SARNP: variants seen among roughly 807,000 people sequenced by gnomAD.
The protein encoded by SARNP is SAP domain-containing ribonucleoprotein.
SARNP carries 5 observed loss-of-function variants against 38.1 expected under a neutral mutation model. That is an observed-to-expected ratio of 0.13 (90% CI 0.07 to 0.28). SARNP has a LOEUF of 0.28. Ranked by LOEUF, SARNP falls within the 10% of genes least tolerant of loss-of-function variation. The pLI, the probability that SARNP is intolerant of heterozygous loss-of-function variation, is 1.00. For synonymous variants in SARNP, 84 were observed against 80.6 expected (o/e 1.04, Z -0.23); for missense variants, 180 against 243.9 (o/e 0.74, Z 1.75).
chr12:55,812,257 A>T (rs2136208640), intron 1 of SARNP, among the ~76,000 whole-genome samples: 1 of 152,266 alleles, frequency 6.6e-6, no homozygotes, highest in Non-Finnish European at 1.5e-5. Context: ...TGACTTCCCC[A>T]GTCACTCTAT....
chr12:55,754,527 T>C (rs898287557), downstream of SARNP: 2 of 152,228 alleles, frequency 1.3e-5, no homozygotes, highest in African/African-American at 4.8e-5. Flanking sequence ...TGAATGGGAC[T>C]CTTTCTGCCT....
chr12:55,800,972 T>G (rs1879963188), intron 2 of SARNP, 72 bp from the exon 3 acceptor site: 3 of 1,281,270 alleles, frequency 2.3e-6, no homozygotes, highest in African/African-American at 1.5e-5. Flanking sequence ...AGGTTAAAAT[T>G]ATAATCACTT....
chr12:55,817,382 T>G (rs1880525133), intron 1 of SARNP, among the ~76,000 whole-genome samples: 1 of 151,430 alleles, frequency 6.6e-6, no homozygotes, highest in East Asian at 1.9e-4. Context: ...CAACGAAGAG[T>G]ATAACAGGTA....
chr12:55,765,268 C>T (rs1486852704), intron 9 of SARNP, among the ~76,000 whole-genome samples: 2 of 152,174 alleles, frequency 1.3e-5, no homozygotes, highest in African/African-American at 4.8e-5. Flanking sequence ...AATGTGCGGG[C>T]CAGTTTTGCT....
At chr12:55,774,558 TGAA>T (rs1356335460) in intron 9 of SARNP, among the ~76,000 whole-genome samples, 1 of 40,488 alleles carries the variant, frequency 2.5e-5, no homozygotes, top group Non-Finnish European at 9.8e-5. Context: ...CCGTCTCTAC[TGAA>T]AAAAAAAAAA....
intron 1 of SARNP, among the ~76,000 whole-genome samples, chr12:55,807,886 T>C (rs1189291507): frequency 6.6e-6 from 1 of 152,130 alleles, no homozygotes; most frequent in African/African-American, 2.4e-5. Flanking sequence ...TTCTTCCCAC[T>C]TCCTGGAGAA....
In SARNP at chr12:55,778,675, A is replaced by C. The variant is rs186706970; in HGVS notation, c.501+10400T>G. Among the ~76,000 whole-genome samples, 886 of 152,314 alleles carry C rather than the reference A, an allele frequency of 5.8e-3. 5 individuals carry two copies. Among genetic ancestry groups the C allele is most frequent in the Non-Finnish European group, 8.7e-3 (593 of 68,024 alleles). On this transcript the variant is annotated intron_variant, in intron 9 of 10. Coordinates refer to ENST00000336133, the MANE Select transcript of SARNP (RefSeq NM_033082.4). ...AGTGGTTAAATATTTGTTTAGTCTT[A>C]AAAATGCTCCAAGAGGCCAGGTGTG... is the stretch of plus-strand genomic sequence containing the variant.
At chr12:55,786,679 G>C (rs1879505699) in intron 9 of SARNP, among the ~76,000 whole-genome samples, 2 of 152,070 alleles carry the variant, frequency 1.3e-5, no homozygotes, top group African/African-American at 4.8e-5. Context: ...TTGAACTCCT[G>C]ACCTCGTGAT....
chr12:55,774,579 C>CA (rs71074858), intron 9 of SARNP, among the ~76,000 whole-genome samples: 98 of 106,316 alleles, frequency 9.2e-4, no homozygotes, highest in Non-Finnish European at 1.4e-3. Context: ...AAAAAACAAA[C>CA]AAAAAAAAAA....
chr12:55,786,390 A>G (rs562001862), intron 9 of SARNP, among the ~76,000 whole-genome samples: 1 of 152,298 alleles, frequency 6.6e-6, no homozygotes, highest in East Asian at 1.9e-4. Flanking sequence ...CGCAGAACCA[A>G]GGCACCCTTC....
chr12:55,811,244 T>C (rs1052535062), intron 1 of SARNP, among the ~76,000 whole-genome samples: 1 of 151,810 alleles, frequency 6.6e-6, no homozygotes, highest in Non-Finnish European at 1.5e-5. Flanking sequence ...CTTAAAGAAA[T>C]TCAATAACTT....
At chr12:55,791,218 A>G (rs1219708813) in intron 7 of SARNP, among the ~76,000 whole-genome samples, 1 of 152,222 alleles carries the variant, frequency 6.6e-6, no homozygotes. Context: ...TAATGGGCAC[A>G]GACTTTCTTT....
chr12:55,794,461 T>C (rs1463306273), intron 6 of SARNP, 74 bp from the exon 7 acceptor site: 9 of 1,260,666 alleles, frequency 7.1e-6, no homozygotes, highest in African/African-American at 1.5e-5. Context: ...GTGTCAAGTA[T>C]ACATATGACA....
chr12:55,789,513 T>C (rs1421034865), intron 8 of SARNP, among the ~76,000 whole-genome samples: 1 of 152,222 alleles, frequency 6.6e-6, no homozygotes, highest in Non-Finnish European at 1.5e-5. Context: ...CAAGTATTTC[T>C]TAACTCTATC....
rs750087449 is a variant in SARNP, at chr12:55,757,500, AG to A, written c.*11del. On this transcript the variant is annotated 3_prime_UTR_variant, in exon 11 of 11. Transcript: ENST00000336133. The stretch of plus-strand genomic sequence containing the variant: ...AAAACACTGGAGAACAGAAAGTATC[AG>A]GAACTTTTCATCAGGCAATCCCAAA... 3 of 1,604,886 alleles carry A rather than the reference AG, an allele frequency of 1.9e-6. No individual in the cohort carries two copies. Among genetic ancestry groups the A allele is most frequent in the East Asian group, 2.2e-5 (1 of 44,748 alleles).
intron 9 of SARNP, among the ~76,000 whole-genome samples, chr12:55,764,613 A>G (rs1388804169): frequency 6.6e-6 from 1 of 151,750 alleles, no homozygotes; most frequent in Non-Finnish European, 1.5e-5. Flanking sequence ...GAGGCAGGCA[A>G]ATCACAAGGT....
chr12:55,775,497 AT>A (rs11309761), intron 9 of SARNP, among the ~76,000 whole-genome samples: 142,477 of 142,484 alleles, frequency 1, 71,235 homozygotes, highest in Middle Eastern at 1. Context: ...GGAGGCAGAG[AT>A]TTGCAGTGAG....
chr12:55,789,248 A>G, intron 8 of SARNP, 105 bp from the exon 9 acceptor site: 1 of 722,892 alleles, frequency 1.4e-6, no homozygotes, highest in Middle Eastern at 4.0e-4. Context: ...AGCCTATAAC[A>G]TCAAAGACAC....
intron 10 of SARNP, 40 bp from the exon 11 acceptor site, chr12:55,757,593 A>C (rs201472002): frequency 5.2e-6 from 8 of 1,551,444 alleles, no homozygotes; most frequent in Non-Finnish European, 7.0e-6. Context: ...TAGACTGAAG[A>C]CAATAGTTGC....
Sources: gnomAD v4.1 joint callset for allele counts (sites outside exome capture counted in the v4.1 genomes callset) on GRCh38, gnomAD v4.1.1 for gene constraint, MANE v1.5 for transcripts, NCBI Gene and HGNC (gene_info 2026-07-23, HGNC 2026-07-21) for gene names.